Variants in UBR2 observed in about 807,000 individuals in gnomAD.
The protein encoded by UBR2 is ubiquitin protein ligase E3 component n-recognin 2.
A neutral mutation model predicts 247.9 loss-of-function variants in UBR2; 92 were observed. The ratio of observed to expected loss-of-function variants is 0.37; its 90% CI spans 0.31 to 0.44. The LOEUF is 0.44. UBR2 is among the 20% of genes least tolerant of loss of function. The probability of loss-of-function intolerance (pLI) is 1.00; values close to 1 mark genes in which losing one functional copy is unlikely to be tolerated. For synonymous variants in UBR2, 672 were observed against 693.5 expected, an observed-to-expected ratio of 0.97 and a Z score of 0.49; for missense variants, 1,613 against 2,112.6, an observed-to-expected ratio of 0.76 and a Z score of 4.64.
intron 4 of UBR2, among the ~76,000 whole-genome samples, chr6:42,599,087 A>G (rs1165370321): frequency 3.3e-5 from 5 of 152,098 alleles, no homozygotes; most frequent in Non-Finnish European, 7.4e-5. Flanking sequence ...AGTTGCTGTA[A>G]ATCCTATTTG....
intron 1 of UBR2, 21 bp from the exon 2 acceptor site, chr6:42,573,713 T>C (rs1256133883): frequency 6.7e-7 from 1 of 1,485,814 alleles, no homozygotes; most frequent in Non-Finnish European, 9.0e-7. Context: ...AAACCATTTC[T>C]TCTCTTTTCT....
intron 1 of UBR2, among the ~76,000 whole-genome samples, chr6:42,572,977 A>G (rs759610057): frequency 1.3e-5 from 2 of 152,078 alleles, no homozygotes; most frequent in African/African-American, 4.8e-5. Flanking sequence ...AGTGCTGGGA[A>G]GCTTTTCAGA....
At chr6:42,655,829 T>G in intron 26 of UBR2, 106 bp downstream of exon 26, 1 of 649,004 alleles carries the variant, frequency 1.5e-6, no homozygotes, top group Non-Finnish European at 2.4e-6. Context: ...AGGGTAATAT[T>G]TAATCCAAAC....
intron 11 of UBR2, among the ~76,000 whole-genome samples, chr6:42,621,687 C>A (rs1795002954): frequency 6.6e-6 from 1 of 151,934 alleles, no homozygotes; most frequent in South Asian, 2.1e-4. Context: ...GTCTTGAACT[C>A]CTGACCTCAG....
intron 2 of UBR2, among the ~76,000 whole-genome samples, chr6:42,587,276 G>C (rs963259024): frequency 6.6e-6 from 1 of 152,162 alleles, no homozygotes; most frequent in Admixed American, 6.6e-5. Flanking sequence ...TCCTGGACTA[G>C]AGGTTGGGAA....
At chr6:42,603,086 G>T (rs749275952) in intron 4 of UBR2, among the ~76,000 whole-genome samples, 1 of 152,146 alleles carries the variant, frequency 6.6e-6, no homozygotes, top group Non-Finnish European at 1.5e-5. Context: ...CTGAGAGAAA[G>T]TAGACAAGAG....
chr6:42,641,541 G>T, intron 16 of UBR2, 41 bp from the exon 17 acceptor site: 1 of 1,483,054 alleles, frequency 6.7e-7, no homozygotes, highest in Non-Finnish European at 9.2e-7. Context: ...TTATGTGTGT[G>T]TTTTTTTTGT....
chr6:42,670,827 A>G (rs1402333224), intron 36 of UBR2, 112 bp downstream of exon 36: 16 of 712,152 alleles, frequency 2.2e-5, no homozygotes, highest in Non-Finnish European at 3.4e-5. Context: ...CTTCTTTCGT[A>G]GTAAAAACCC....
At chr6:42,612,661 G>A (rs1353338622) in intron 8 of UBR2, among the ~76,000 whole-genome samples, 1 of 152,162 alleles carries the variant, frequency 6.6e-6, no homozygotes, top group Admixed American at 6.5e-5. Context: ...CTGGAAAAAT[G>A]CTGCTGTAAA....
chr6:42,594,822 C>A (rs1303468896), intron 4 of UBR2, among the ~76,000 whole-genome samples: 1 of 152,088 alleles, frequency 6.6e-6, no homozygotes, highest in Non-Finnish European at 1.5e-5. Context: ...GTTGATCCTG[C>A]ATTATTTTTC....
rs905576653 is a variant in UBR2, at chr6:42,659,561, A to T, written c.3243-95A>T. The stretch of plus-strand genomic sequence containing the variant: ...CACACACACACACACACACACACAC[A>T]CTACACACACACACACATACCTGTA... On this transcript the variant is annotated intron_variant, in intron 29 of 46. Transcript: ENST00000372901. The surrounding 1 kb of genome is among the most constrained non-coding windows in gnomAD (Gnocchi z 4.3). 16 of 724,740 alleles carry T rather than the reference A, an allele frequency of 2.2e-5. No individual in the cohort carries two copies. The Middle Eastern group carries it at 1.2e-3, about 54-fold the overall frequency. 44.9% of individuals were successfully genotyped at this position (724,740 alleles called of 1,614,324 possible).
At chr6:42,644,576 G>A (rs1297846413) in intron 20 of UBR2, 40 bp downstream of exon 20, 1 of 1,527,660 alleles carries the variant, frequency 6.5e-7, no homozygotes, top group Admixed American at 1.7e-5. Context: ...AAATTACACT[G>A]ACGTTTATAG....
Position 42,612,204 on chromosome 6 carries a change from G to C in UBR2, c.898G>C (p.Val300Leu). ...NTSRQTKPLK[V>L]QVMHSSIVAH... ...CAGTAGACAGACAAAGCCACTCAAA[G>C]TTCAAGTTATGCATTCGTCTATTGT... is the stretch of plus-strand genomic sequence containing the variant. The change falls in exon 8 of 47, where the codon GTT becomes CTT. Residue 300 changes from valine to leucine, a missense_variant. Physicochemically the swap from Val to Leu is conservative, Grantham distance 32. Transcript: ENST00000372901. 1 of 1,554,026 alleles carries C rather than the reference G, an allele frequency of 6.4e-7. No homozygotes were observed. The highest frequency in any genetic ancestry group is 8.8e-7 in the Non-Finnish European group (1 of 1,136,624).
At chr6:42,567,490 G>A (rs1361108105) in intron 1 of UBR2, among the ~76,000 whole-genome samples, 15 of 152,110 alleles carry the variant, frequency 9.9e-5, no homozygotes, top group Non-Finnish European at 1.5e-5. Context: ...CAGCACTTTG[G>A]GAGGCCAAGG....
intron 2 of UBR2, among the ~76,000 whole-genome samples, chr6:42,579,697 CAG>C (rs1266152658): frequency 6.6e-6 from 1 of 152,098 alleles, no homozygotes; most frequent in Non-Finnish European, 1.5e-5. Flanking sequence ...TTTGTAGAAA[CAG>C]AGTTTCCCTA....
rs147150203 is a variant in UBR2, at chr6:42,630,166, A to G, written c.1282-2386A>G. 2.6e-3 allele frequency among the ~76,000 whole-genome samples: 381 copies of G among 148,932 alleles called. 6 individuals carry two copies. The highest frequency in any genetic ancestry group is 0.024 in the Middle Eastern group (7 of 288). On this transcript the variant is annotated intron_variant, in intron 11 of 46. Coordinates refer to ENST00000372901, the MANE Select transcript of UBR2 (RefSeq NM_001363705.2). ...GTAGTAGTAGTAGTAGTAGTAATGA[A>G]CCACTCTATTATTATTTACTTTTTT...
At chr6:42,573,330 C>T (rs1345924545) in intron 1 of UBR2, among the ~76,000 whole-genome samples, 1 of 152,162 alleles carries the variant, frequency 6.6e-6, no homozygotes, top group Non-Finnish European at 1.5e-5. Flanking sequence ...TCACCGTACA[C>T]TCTTCCTATG....
intron 38 of UBR2, among the ~76,000 whole-genome samples, chr6:42,675,318 T>C (rs1341066548): frequency 1.3e-5 from 2 of 152,192 alleles, no homozygotes; most frequent in Non-Finnish European, 2.9e-5. Context: ...ACATATTGTC[T>C]TTAGTTTACC....
At chr6:42,635,665 CA>C in intron 14 of UBR2, 119 bp downstream of exon 14, 1 of 1,240,398 alleles carries the variant, frequency 8.1e-7, no homozygotes, top group South Asian at 1.9e-5. Flanking sequence ...GTTCATTAAA[CA>C]GCGTATTTTC....
Sources: gnomAD v4.1 joint callset for allele counts (sites outside exome capture counted in the v4.1 genomes callset) on GRCh38, gnomAD v4.1.1 for gene constraint, Gnocchi (gnomAD v3.1) non-coding constraint, MANE v1.5 for transcripts, NCBI Gene and HGNC (gene_info 2026-07-23, HGNC 2026-07-21) for gene names.